Variants in APLP2 observed in about 807,000 individuals in gnomAD.
APLP2 encodes the protein CDEI box-binding protein.
A neutral mutation model predicts 89.9 loss-of-function variants in APLP2; 53 were observed. The observed-to-expected ratio is 0.59, with a 90% CI of 0.47 to 0.74. The LOEUF (loss-of-function observed/expected upper bound fraction) is 0.74, where lower values mean the gene tolerates loss of function less well. APLP2 is among the 30% of genes least tolerant of loss of function. The pLI is 0.00. For missense variants in APLP2, 973 were observed against 975.9 expected (o/e 1.00, Z 0.04); for synonymous variants, 372 against 348.6 (o/e 1.07, Z -0.75).
intron 1 of APLP2, among the ~76,000 whole-genome samples, chr11:130,108,309 A>G (rs1948075594): frequency 6.6e-6 from 1 of 152,252 alleles, no homozygotes; most frequent in Non-Finnish European, 1.5e-5. Flanking sequence ...CAGTCTACCC[A>G]TCTGACAAAG....
chr11:130,081,702 T>C (rs1403203059), intron 1 of APLP2, among the ~76,000 whole-genome samples: 1 of 152,254 alleles, frequency 6.6e-6, no homozygotes, highest in African/African-American at 2.4e-5. Context: ...CCAAATAACA[T>C]GCATATGTTT....
At chr11:130,095,249 G>A (rs1014260243) in intron 1 of APLP2, among the ~76,000 whole-genome samples, 7 of 152,226 alleles carry the variant, frequency 4.6e-5, no homozygotes, top group African/African-American at 1.7e-4. Flanking sequence ...TGGCATGTCT[G>A]TAGTTACAAC....
Position 130,143,444 on chromosome 11 carries a change from T to C in APLP2, c.2252T>C (p.Ile751Thr). The change falls in exon 17 of 17, where the codon ATT (isoleucine) becomes ACT (threonine). Residue 751 changes from isoleucine (I) to threonine (T), a missense_variant. By Grantham distance (89) the Ile-to-Thr change is moderately conservative. Transcript: ENST00000338167. ...PTYKYLEQMQ[I>T] ...TACAAATACCTGGAGCAGATGCAGA[T>C]TTAGGTGGCAGGGAGCGCGGCAGCC... is the stretch of plus-strand genomic sequence containing the variant. 3 of 1,613,652 alleles carry C rather than the reference T, an allele frequency of 1.9e-6. No individual in the cohort carries two copies. Among genetic ancestry groups the C allele is most frequent in the Non-Finnish European group, 2.5e-6 (3 of 1,179,708 alleles).
At chr11:130,077,093 C>T (rs779023390) in intron 1 of APLP2, among the ~76,000 whole-genome samples, 71 of 152,188 alleles carry the variant, frequency 4.7e-4, no homozygotes, top group Non-Finnish European at 8.7e-4. Context: ...CAGGGGCATT[C>T]CCTGTCTGGG....
chr11:130,140,178 C>T (rs1285291254), intron 13 of APLP2, among the ~76,000 whole-genome samples: 2 of 152,232 alleles, frequency 1.3e-5, no homozygotes, highest in African/African-American at 4.8e-5. Flanking sequence ...AGCACTCCCT[C>T]CTCCTCCATT....
intron 1 of APLP2, among the ~76,000 whole-genome samples, chr11:130,091,562 C>A (rs1945217737): frequency 1.4e-5 from 2 of 143,036 alleles, no homozygotes; most frequent in African/African-American, 2.7e-5. Flanking sequence ...CCACCTCCCT[C>A]CCGGACGGGG....
chr11:130,113,798 AGTT>A (rs1407436447), intron 3 of APLP2, among the ~76,000 whole-genome samples: 2 of 152,220 alleles, frequency 1.3e-5, no homozygotes, highest in Non-Finnish European at 2.9e-5. Context: ...AAAAAATAAT[AGTT>A]TAAAAATAAT....
chr11:130,139,603 AT>A (rs1436540935), intron 13 of APLP2: 1 of 152,228 alleles, frequency 6.6e-6, no homozygotes, highest in African/African-American at 2.4e-5. Flanking sequence ...TTTGGATACT[AT>A]CCTTCGGAGC....
intron 1 of APLP2, among the ~76,000 whole-genome samples, chr11:130,105,780 C>T (rs1193985401): frequency 2.0e-5 from 3 of 150,262 alleles, no homozygotes; most frequent in Non-Finnish European, 3.0e-5. Flanking sequence ...CTCTGCTCAC[C>T]GCAACATCTG....
chr11:130,090,247 CT>C (rs539249012), intron 1 of APLP2, among the ~76,000 whole-genome samples: 4,899 of 86,106 alleles, frequency 0.057, 83 homozygotes, highest in Admixed American at 0.089. Flanking sequence ...CTAGCTCTGT[CT>C]TTTTTTTTTT....
chr11:130,132,517 C>CT (rs1322914259), intron 11 of APLP2, among the ~76,000 whole-genome samples: 2 of 152,026 alleles, frequency 1.3e-5, no homozygotes, highest in Non-Finnish European at 2.9e-5. Context: ...AGCAACACAC[C>CT]TCGCCGTGTC....
intron 3 of APLP2, 71 bp downstream of exon 3, chr11:130,110,732 C>A: frequency 6.7e-7 from 1 of 1,493,228 alleles, no homozygotes; most frequent in South Asian, 1.3e-5. Flanking sequence ...TCTCTTGGCT[C>A]ACAGTGAAAT....
chr11:130,113,162 T>C (rs1420585081), intron 3 of APLP2, among the ~76,000 whole-genome samples: 2 of 152,230 alleles, frequency 1.3e-5, no homozygotes, highest in African/African-American at 4.8e-5. Flanking sequence ...TTTTAGTCTT[T>C]TTTGTCAACC....
intron 1 of APLP2, among the ~76,000 whole-genome samples, chr11:130,072,137 C>T (rs138040802): frequency 6.6e-6 from 1 of 152,298 alleles, no homozygotes; most frequent in African/African-American, 2.4e-5. Context: ...AAAAAGCTCA[C>T]CTCTGGACTC....
chr11:130,088,518 A>G (rs1203441973), intron 1 of APLP2, among the ~76,000 whole-genome samples: 1 of 152,024 alleles, frequency 6.6e-6, no homozygotes, highest in Non-Finnish European at 1.5e-5. Flanking sequence ...GCAACACCAG[A>G]TACTCATGCT....
At chr11:130,113,720 C>T (rs562301212) in intron 3 of APLP2, among the ~76,000 whole-genome samples, 15 of 149,682 alleles carry the variant, frequency 1.0e-4, no homozygotes, top group African/African-American at 3.5e-4. Flanking sequence ...ACCACCTTTT[C>T]CCCCCATAGA....
chr11:130,095,570 GTC>G (rs1323621490), intron 1 of APLP2, among the ~76,000 whole-genome samples: 1 of 152,264 alleles, frequency 6.6e-6, no homozygotes, highest in African/African-American at 2.4e-5. Flanking sequence ...TGGAAGCACA[GTC>G]TCTGCAGAGC....
Position 130,123,730 on chromosome 11 carries a change from G to A in APLP2, c.1041G>A (p.Arg347=), listed in dbSNP as rs776149533. The A allele has an allele frequency of 1.6e-5, 26 of 1,614,268 alleles. No homozygotes were observed. The Admixed American group carries it at 4.3e-4, about 27-fold the overall frequency. Residue 347 remains arginine (R), a synonymous_variant, in exon 7 of 17, where the codon AGG becomes AGA. Coordinates refer to ENST00000338167, the MANE Select transcript of APLP2 (RefSeq NM_001142276.2). The surrounding 1 kb of genome is among the most constrained non-coding windows in gnomAD (Gnocchi z 4.0). ...RFIYGGCGGN[R]NNFESEDYCM... ...TATATGGTGGCTGCGGCGGCAACAG[G>A]AACAATTTTGAGTCTGAGGATTATT...
In APLP2 at chr11:130,144,456, G is replaced by A. The variant is rs940860318; in HGVS notation, c.*1008G>A. ...ACGGGGAGGTTTGTTTGTGTGAAAG[G>A]AAAGTAGTCCAGGCTGTCCCTGAAA... On this transcript the variant is annotated 3_prime_UTR_variant, in exon 17 of 17. Transcript: ENST00000338167. The A allele has an allele frequency of 1.3e-5, 2 of 152,318 alleles. No homozygotes were observed. Among genetic ancestry groups the A allele is most frequent in the African/African-American group, 4.8e-5 (2 of 41,458 alleles). 9.4% of individuals were successfully genotyped at this position (152,318 alleles called of 1,614,324 possible). A position where few individuals can be genotyped will look rare whatever the true frequency, so the allele number is the denominator to read the frequency against.
Sources: gnomAD v4.1 joint callset for allele counts (sites outside exome capture counted in the v4.1 genomes callset) on GRCh38, gnomAD v4.1.1 for gene constraint, Gnocchi (gnomAD v3.1) non-coding constraint, MANE v1.5 for transcripts, NCBI Gene and HGNC (gene_info 2026-07-23, HGNC 2026-07-21) for gene names.